Variants in DNAH6 observed in about 807,000 individuals in gnomAD.
DNAH6 encodes axonemal beta dynein heavy chain 6.
Under a neutral mutation model 491.4 loss-of-function variants are expected in DNAH6, and 340 were observed. That is an observed-to-expected ratio of 0.69 (90% CI 0.63 to 0.76). DNAH6 has a LOEUF of 0.76. DNAH6 is among the 30% of genes least tolerant of loss of function. The pLI, the probability that DNAH6 is intolerant of heterozygous loss-of-function variation, is 0.00. For missense variants in DNAH6, 4,443 were observed against 4,972.2 expected, an observed-to-expected ratio of 0.89 and a Z score of 3.20; for synonymous variants, 1,603 against 1,686.1, an observed-to-expected ratio of 0.95 and a Z score of 1.21.
At chr2:84,807,216 C>A (rs1448506651) in intron 71 of DNAH6, among the ~76,000 whole-genome samples, 2 of 152,200 alleles carry the variant, frequency 1.3e-5, no homozygotes, top group Non-Finnish European at 2.9e-5. Flanking sequence ...CACAGCACAG[C>A]GGACCCAAGA....
rs1044833435 is a variant in DNAH6, at chr2:84,762,830, C to T, written c.10588C>T (p.Pro3530Ser). The T allele has an allele frequency of 7.1e-6, 11 of 1,550,984 alleles. No individual in the cohort carries two copies. In the African/African-American group the frequency reaches 1.5e-4, roughly 21 times the overall value. The part of the protein sequence containing the change: ...QFIETPPVDL[P>S]TLYQDMSCNT... ...TATAGAGACACCACCTGTGGACCTG[C>T]CTACCCTGTATCAAGACATGTCATG... Residue 3530 changes from proline (P) to serine (S), a missense_variant, in exon 64 of 77, where the codon CCT (proline) becomes TCT (serine). This residue lies in a region of DNAH6 where 1,463 missense variants were observed against 1,656.6 expected (regional missense o/e 0.88). Coordinates refer to ENST00000389394, the MANE Select transcript of DNAH6 (RefSeq NM_001370.2).
At chr2:84,602,739 A>T in intron 18 of DNAH6, among the ~76,000 whole-genome samples, 1 of 136,062 alleles carries the variant, frequency 7.3e-6, no homozygotes, top group South Asian at 2.4e-4. Context: ...TCCTTCTATG[A>T]TTTCTGTGAT....
intron 29 of DNAH6, among the ~76,000 whole-genome samples, chr2:84,627,277 C>T (rs1687971564): frequency 6.6e-6 from 1 of 152,172 alleles, no homozygotes; most frequent in Non-Finnish European, 1.5e-5. Context: ...TCAGCTGCCA[C>T]TGTTTTTTGT....
chr2:84,691,805 A>G (rs1472739229), intron 45 of DNAH6, among the ~76,000 whole-genome samples: 1 of 152,258 alleles, frequency 6.6e-6, no homozygotes, highest in African/African-American at 2.4e-5. Flanking sequence ...ATTAAAAAAA[A>G]TCTAAAAACC....
At chr2:84,527,607 A>G (rs540252633) in intron 3 of DNAH6, among the ~76,000 whole-genome samples, 11 of 152,218 alleles carry the variant, frequency 7.2e-5, no homozygotes, top group African/African-American at 2.2e-4. Context: ...TCTCTGGTTC[A>G]GGTTTGGCCT....
the DNAH6 span, among the ~76,000 whole-genome samples, chr2:84,472,158 A>T: frequency 6.6e-6 from 1 of 151,976 alleles, no homozygotes; most frequent in Admixed American, 6.6e-5. Context: ...ATGTTAATAA[A>T]GCTAGATGCA....
rs78741851 is a variant in DNAH6, at chr2:84,639,181, G to A, written c.4822-1249G>A. On this transcript the variant is annotated intron_variant, in intron 31 of 76. Coordinates refer to ENST00000389394, the MANE Select transcript of DNAH6 (RefSeq NM_001370.2). The stretch of plus-strand genomic sequence containing the variant: ...GGGTGGGGGGCAGTTAGGACAGGTA[G>A]TATCTTTACTCTTGACCCTCTCTAC... 2.7e-3 allele frequency among the ~76,000 whole-genome samples: 413 copies of A among 152,250 alleles called. 1 individual carries two copies. The highest frequency in any genetic ancestry group is 9.4e-3 in the African/African-American group (391 of 41,540).
In DNAH6 at chr2:84,564,762, A is replaced by G. The variant is rs141600994; in HGVS notation, c.1803+6827A>G. 1.2e-3 allele frequency among the ~76,000 whole-genome samples: 178 copies of G among 152,226 alleles called. 1 individual carries two copies. Among genetic ancestry groups the G allele is most frequent in the African/African-American group, 4.0e-3 (168 of 41,580 alleles). ...TGGTAAGGGTGAGCATCCTTGTCTC[A>G]TTCTAGGTCTCAAGGGGAATGGTTT... On this transcript the variant is annotated intron_variant, in intron 11 of 76. Coordinates refer to ENST00000389394, the MANE Select transcript of DNAH6 (RefSeq NM_001370.2).
chr2:84,811,014 T>C (rs889433891), intron 72 of DNAH6, among the ~76,000 whole-genome samples: 1 of 152,178 alleles, frequency 6.6e-6, no homozygotes, highest in African/African-American at 2.4e-5. Context: ...TATTTCCAGG[T>C]CTATCATGGA....
intron 72 of DNAH6, among the ~76,000 whole-genome samples, chr2:84,810,709 T>C (rs1679887088): frequency 6.6e-6 from 1 of 152,138 alleles, no homozygotes. Flanking sequence ...TCTTGGGGAA[T>C]GCCATCCTGG....
At chr2:84,673,257 T>A (rs1160641969) in intron 40 of DNAH6, among the ~76,000 whole-genome samples, 1 of 113,408 alleles carries the variant, frequency 8.8e-6, no homozygotes, top group Non-Finnish European at 2.0e-5. Flanking sequence ...TCACATCCCA[T>A]GGTGCCGTGG....
intron 14 of DNAH6, among the ~76,000 whole-genome samples, chr2:84,583,750 C>T (rs1192526836): frequency 6.6e-6 from 1 of 152,210 alleles, no homozygotes; most frequent in Non-Finnish European, 1.5e-5. Flanking sequence ...CCTGCTGTCA[C>T]GTAAGACATG....
intron 4 of DNAH6, among the ~76,000 whole-genome samples, chr2:84,541,192 G>C (rs1678207712): frequency 6.6e-6 from 1 of 152,140 alleles, no homozygotes; most frequent in Admixed American, 6.6e-5. Context: ...TCCTGAAATG[G>C]ATAAACACTT....
At chr2:84,805,372 G>A (rs1354479355) in intron 70 of DNAH6, among the ~76,000 whole-genome samples, 1 of 152,210 alleles carries the variant, frequency 6.6e-6, no homozygotes, top group Non-Finnish European at 1.5e-5. Context: ...GGGCTGGGGA[G>A]AGGGGGAAAT....
the DNAH6 span, among the ~76,000 whole-genome samples, chr2:84,465,512 A>G: frequency 2.6e-5 from 4 of 152,210 alleles, no homozygotes; most frequent in African/African-American, 9.6e-5. Context: ...AAAGAAAAAA[A>G]AAAGAAAACA....
chr2:84,521,382 A>G (rs1393949272), intron 2 of DNAH6, among the ~76,000 whole-genome samples: 1 of 152,032 alleles, frequency 6.6e-6, no homozygotes, highest in Non-Finnish European at 1.5e-5. Flanking sequence ...AGACCTTCAA[A>G]GATGCATAGC....
At chr2:84,588,752 A>C in intron 15 of DNAH6, 74 bp from the exon 16 acceptor site, 1 of 1,227,934 alleles carries the variant, frequency 8.1e-7, no homozygotes, top group South Asian at 1.8e-5. Context: ...AAAAATGTTT[A>C]TTAATTCATT....
chr2:84,587,551 T>C (rs1166857805), intron 15 of DNAH6, among the ~76,000 whole-genome samples: 1 of 152,240 alleles, frequency 6.6e-6, no homozygotes, highest in Non-Finnish European at 1.5e-5. Flanking sequence ...CTTCATCATT[T>C]ACATAAATGA....
Position 84,718,325 on chromosome 2 carries a change from A to C in DNAH6, c.9733A>C (p.Thr3245Pro). 1 of 1,551,290 alleles carries C rather than the reference A, an allele frequency of 6.4e-7. No individual in the cohort carries two copies. The highest frequency in any genetic ancestry group is 8.7e-7 in the Non-Finnish European group (1 of 1,146,828). ...IEEKILRMLF[T>P]SEGNILDNEE... ...AGAGAAAATCCTGAGAATGCTCTTT[A>C]CCTCTGAAGGAAATATTCTGGACAA... Residue 3245 changes from threonine to proline, a missense_variant, in exon 59 of 77, where the codon ACC (threonine) becomes CCC (proline). Coordinates refer to ENST00000389394, the MANE Select transcript of DNAH6 (RefSeq NM_001370.2).
Sources: allele counts gnomAD v4.1 joint callset (sites outside exome capture counted in the v4.1 genomes callset), GRCh38; gene constraint gnomAD v4.1.1; regional missense constraint gnomAD v4.1.1; transcripts MANE v1.5; gene names NCBI Gene and HGNC (gene_info 2026-07-23, HGNC 2026-07-21).